Variants in EFNA5 observed in about 807,000 individuals in gnomAD.
EFNA5 encodes the protein ephrin-A5.
Under a neutral mutation model 22.9 loss-of-function variants are expected in EFNA5, and 5 were observed. The observed-to-expected ratio is 0.22, with a 90% CI of 0.11 to 0.46. The LOEUF is 0.46. Ranked by LOEUF, EFNA5 falls within the 20% of genes least tolerant of loss-of-function variation. EFNA5 has a pLI of 0.99. For missense variants in EFNA5, 237 were observed against 293.3 expected (o/e 0.81, Z 1.40); for synonymous variants, 113 against 112.2 (o/e 1.01, Z -0.04).
chr5:107,638,629 A>C (rs752940408), intron 1 of EFNA5, among the ~76,000 whole-genome samples: 2 of 152,218 alleles, frequency 1.3e-5, no homozygotes, highest in Non-Finnish European at 1.5e-5. Context: ...CCTGGGGATG[A>C]TCTAGATTAT....
At chr5:107,536,539 A>T (rs1244276736) in intron 1 of EFNA5, among the ~76,000 whole-genome samples, 1 of 152,208 alleles carries the variant, frequency 6.6e-6, no homozygotes, top group East Asian at 1.9e-4. Flanking sequence ...CATGCCTAGC[A>T]CACATAGGAT....
At chr5:107,505,105 C>A (rs1162181078) in intron 1 of EFNA5, among the ~76,000 whole-genome samples, 1 of 151,990 alleles carries the variant, frequency 6.6e-6, no homozygotes, top group Non-Finnish European at 1.5e-5. Context: ...TGGCAATGAT[C>A]TCCATTCAAA....
intron 1 of EFNA5, among the ~76,000 whole-genome samples, chr5:107,437,630 TG>T (rs1440745572): frequency 3.3e-5 from 5 of 152,250 alleles, no homozygotes; most frequent in African/African-American, 9.6e-5. Flanking sequence ...GGTGTTTACT[TG>T]TCTCTGTATC....
At chr5:107,397,589 C>T (rs1747963148) in intron 2 of EFNA5, among the ~76,000 whole-genome samples, 1 of 151,874 alleles carries the variant, frequency 6.6e-6, no homozygotes, top group Non-Finnish European at 1.5e-5. Context: ...TTTATTTACA[C>T]AAATCAATGA....
chr5:107,544,117 T>A (rs569451597), intron 1 of EFNA5, among the ~76,000 whole-genome samples: 1 of 152,164 alleles, frequency 6.6e-6, no homozygotes, highest in Non-Finnish European at 1.5e-5. Flanking sequence ...GAATCGCCCC[T>A]GGTGGGAGGG....
chr5:107,655,967 C>G (rs1750811995), intron 1 of EFNA5, among the ~76,000 whole-genome samples: 1 of 152,072 alleles, frequency 6.6e-6, no homozygotes, highest in Non-Finnish European at 1.5e-5. Flanking sequence ...GAGGTTAAAC[C>G]CTGCTCTTCT....
At chr5:107,601,884 A>G (rs1226539145) in intron 1 of EFNA5, among the ~76,000 whole-genome samples, 1 of 152,208 alleles carries the variant, frequency 6.6e-6, no homozygotes, top group African/African-American at 2.4e-5. Flanking sequence ...TGTATGCCAC[A>G]ATATTCACTA....
intron 1 of EFNA5, among the ~76,000 whole-genome samples, chr5:107,512,252 T>C (rs542653493): frequency 6.6e-6 from 1 of 152,194 alleles, no homozygotes; most frequent in East Asian, 1.9e-4. Flanking sequence ...CAATCAATCC[T>C]GGCTCAGTGG....
chr5:107,556,779 A>AATAC (rs1561432067), intron 1 of EFNA5, among the ~76,000 whole-genome samples: 5 of 112,942 alleles, frequency 4.4e-5, no homozygotes, highest in African/African-American at 1.7e-4. Flanking sequence ...TAAATAAATA[A>AATAC]ATAAATAAAT....
intron 1 of EFNA5, among the ~76,000 whole-genome samples, chr5:107,443,352 AATG>A (rs1749308700): frequency 6.6e-6 from 1 of 152,202 alleles, no homozygotes; most frequent in African/African-American, 2.4e-5. Flanking sequence ...TTGCTAATTA[AATG>A]ATGACTATAA....
chr5:107,433,850 G>A (rs1194508926), intron 1 of EFNA5, among the ~76,000 whole-genome samples: 19 of 151,314 alleles, frequency 1.3e-4, no homozygotes, highest in Admixed American at 1.1e-3. Context: ...GTAGTGAACC[G>A]AGATTGTGCC....
intron 1 of EFNA5, among the ~76,000 whole-genome samples, chr5:107,513,179 T>A (rs921418530): frequency 2.0e-5 from 3 of 152,122 alleles, no homozygotes; most frequent in African/African-American, 7.2e-5. Context: ...CTGCTGTGCT[T>A]AAGTCCTACT....
At chr5:107,511,887 C>A (rs1299154803) in intron 1 of EFNA5, among the ~76,000 whole-genome samples, 2 of 152,100 alleles carry the variant, frequency 1.3e-5, no homozygotes, top group African/African-American at 4.8e-5. Context: ...ACAATTATAG[C>A]CCTGCCTACT....
intron 1 of EFNA5, among the ~76,000 whole-genome samples, chr5:107,607,354 G>A (rs1054468354): frequency 2.0e-5 from 3 of 152,184 alleles, no homozygotes; most frequent in Non-Finnish European, 2.9e-5. Context: ...GCCTGCTAGA[G>A]AGGGCACTGC....
In EFNA5 at chr5:107,378,273, C is replaced by T. The variant is rs868734270; in HGVS notation, c.*2982G>A. 5 of 150,924 alleles carry T rather than the reference C, an allele frequency of 3.3e-5. No homozygotes were observed. Among genetic ancestry groups the T allele is most frequent in the East Asian group, 1.9e-4 (1 of 5,138 alleles). The allele number at this position is 150,924 out of a possible 1,614,324, so 9.3% of individuals were successfully genotyped here. On this transcript the variant is annotated 3_prime_UTR_variant, in exon 5 of 5. Transcript: ENST00000333274. ...TACAAAACAATAGTCTAAACTAACA[C>T]GAACTGTTACCTGGTCTATTAAAGG...
intron 1 of EFNA5, among the ~76,000 whole-genome samples, chr5:107,438,886 T>C (rs1345263810): frequency 3.3e-5 from 5 of 152,212 alleles, no homozygotes; most frequent in East Asian, 3.9e-4. Context: ...CCTGGAACTT[T>C]TGAGGTCCTC....
At chr5:107,420,582 C>A (rs921589250) in intron 2 of EFNA5, among the ~76,000 whole-genome samples, 3 of 144,874 alleles carry the variant, frequency 2.1e-5, no homozygotes, top group Non-Finnish European at 4.5e-5. Flanking sequence ...ACAACAACAA[C>A]CATGTTCCAC....
chr5:107,579,288 G>A (rs1265348482), intron 1 of EFNA5, among the ~76,000 whole-genome samples: 2 of 152,212 alleles, frequency 1.3e-5, no homozygotes, highest in Admixed American at 1.3e-4. Context: ...GTGACATGGA[G>A]CCAGGTTCAA....
chr5:107,509,680 G>A (rs1342479245), intron 1 of EFNA5, among the ~76,000 whole-genome samples: 1 of 151,906 alleles, frequency 6.6e-6, no homozygotes, highest in Non-Finnish European at 1.5e-5. Flanking sequence ...ATATACAGAT[G>A]AATGGTTATA....
Sources: allele counts gnomAD v4.1 joint callset (sites outside exome capture counted in the v4.1 genomes callset), GRCh38; gene constraint gnomAD v4.1.1; transcripts MANE v1.5; gene names NCBI Gene and HGNC (gene_info 2026-07-23, HGNC 2026-07-21).